TENT2: variants seen among roughly 807,000 people sequenced by gnomAD.
TENT2 encodes the protein terminal nucleotidyltransferase 2.
A neutral mutation model predicts 72.2 loss-of-function variants in TENT2; 44 were observed. The observed-to-expected ratio is 0.61, with a 90% CI of 0.48 to 0.78. TENT2 has a LOEUF of 0.78. TENT2 is among the 30% of genes least tolerant of loss of function. The pLI is 0.00. For missense variants in TENT2, 541 were observed against 569.6 expected, an observed-to-expected ratio of 0.95 and a Z score of 0.51; for synonymous variants, 212 against 192.5, an observed-to-expected ratio of 1.10 and a Z score of -0.84.
At chr5:79,649,287 A>T in intron 10 of TENT2, 97 bp downstream of exon 10, 1 of 1,189,152 alleles carries the variant, frequency 8.4e-7, no homozygotes, top group Non-Finnish European at 1.2e-6. Context: ...GTATTGTTTT[A>T]AAAGTTCTTT....
intron 12 of TENT2, among the ~76,000 whole-genome samples, chr5:79,674,005 C>T (rs116445958): frequency 6.6e-6 from 1 of 152,268 alleles, no homozygotes; most frequent in African/African-American, 2.4e-5. Flanking sequence ...TGTTAAATGA[C>T]ACAATAAACA....
chr5:79,650,995 G>C (rs1018015450), intron 10 of TENT2, among the ~76,000 whole-genome samples: 1 of 151,952 alleles, frequency 6.6e-6, no homozygotes, highest in African/African-American at 2.4e-5. Context: ...TACTTAAAAC[G>C]TAGTGATATT....
chr5:79,656,237 G>A (rs1005570905), intron 10 of TENT2, among the ~76,000 whole-genome samples: 2 of 111,676 alleles, frequency 1.8e-5, no homozygotes, highest in African/African-American at 5.8e-5. Context: ...TAAAATTACT[G>A]TTAATTAATG....
intron 1 of TENT2, among the ~76,000 whole-genome samples, chr5:79,614,617 G>C (rs540824206): frequency 6.6e-6 from 1 of 152,278 alleles, no homozygotes; most frequent in South Asian, 2.1e-4. Context: ...CATAAAATTT[G>C]TCACATAGGA....
At chr5:79,637,573 C>T (rs989587565) in intron 4 of TENT2, among the ~76,000 whole-genome samples, 19 of 152,044 alleles carry the variant, frequency 1.2e-4, no homozygotes, top group Non-Finnish European at 1.8e-4. Context: ...ACGACAGGCA[C>T]GCATCACCAT....
chr5:79,620,058 G>A lies in TENT2; in HGVS notation c.202G>A (p.Ala68Thr). Reference protein sequence around the residue: ...YGNVSPIQTSASPLFRGRKRL... With the variant: ...YGNVSPIQTSTSPLFRGRKRL... Reference sequence around the variant, plus strand: ...AAATGTCAGTCCAATACAGACCTCAGCTTCCCCATTATTTCGAGGAAGGAA... The same window carrying A: ...AAATGTCAGTCCAATACAGACCTCAACTTCCCCATTATTTCGAGGAAGGAA... Residue 68 changes from alanine to threonine, a missense_variant, in exon 3 of 15, where the codon GCT (alanine) becomes ACT (threonine). By Grantham distance (58) the Ala-to-Thr change is moderately conservative. Transcript: ENST00000453514. 1 of 1,609,904 alleles carries A rather than the reference G, an allele frequency of 6.2e-7. No homozygotes were observed. Among genetic ancestry groups the A allele is most frequent in the Non-Finnish European group, 8.5e-7 (1 of 1,177,174 alleles).
intron 4 of TENT2, among the ~76,000 whole-genome samples, chr5:79,630,683 A>C (rs1340003761): frequency 6.6e-6 from 1 of 152,152 alleles, no homozygotes; most frequent in Non-Finnish European, 1.5e-5. Flanking sequence ...AAAGGAGGTC[A>C]AGATGGCTAG....
intron 4 of TENT2, among the ~76,000 whole-genome samples, chr5:79,629,688 G>A (rs151115640): frequency 0.062 from 9,432 of 151,958 alleles, 492 homozygotes; most frequent in Admixed American, 0.16. Context: ...TTAGCCAGGC[G>A]TGGTGGCGGG....
At chr5:79,630,576 C>G (rs1012195227) in intron 4 of TENT2, among the ~76,000 whole-genome samples, 3 of 151,888 alleles carry the variant, frequency 2.0e-5, no homozygotes, top group African/African-American at 4.8e-5. Context: ...GACTCTGTCT[C>G]AAAAAGTAGT....
intron 13 of TENT2, 51 bp from the exon 14 acceptor site, chr5:79,681,931 G>C (rs1350700815): frequency 6.8e-7 from 1 of 1,469,276 alleles, no homozygotes; most frequent in Non-Finnish European, 9.4e-7. Context: ...AAAAGAAACT[G>C]TAGCTCTCAT....
chr5:79,652,740 T>G (rs1461951789), intron 10 of TENT2, among the ~76,000 whole-genome samples: 3 of 152,214 alleles, frequency 2.0e-5, no homozygotes, highest in East Asian at 1.9e-4. Context: ...TAAAAAAATT[T>G]GAAACATATG....
Position 79,620,053 on chromosome 5 carries a change from C to A in TENT2, c.197C>A (p.Thr66Asn), listed in dbSNP as rs753842190. Residue 66 changes from threonine to asparagine, a missense_variant, in exon 3 of 15, where the codon ACC becomes AAC. By Grantham distance (65) the Thr-to-Asn change is moderately conservative. Transcript: ENST00000453514. ...TATGGAAATGTCAGTCCAATACAGA[C>A]CTCAGCTTCCCCATTATTTCGAGGA... ...LTYGNVSPIQTSASPLFRGRK... is the reference protein window; with the variant it reads ...LTYGNVSPIQNSASPLFRGRK... 2 of 1,610,144 alleles carry A rather than the reference C, an allele frequency of 1.2e-6. No homozygotes were observed. The highest frequency in any genetic ancestry group is 1.7e-6 in the Non-Finnish European group (2 of 1,177,252).
In TENT2 at chr5:79,619,984, A is replaced by AT. The variant is rs766600579; in HGVS notation, c.138-6dup. The stretch of plus-strand genomic sequence containing the variant: ...GTATAAATTACTGTTCTTTTCTTTG[A>AT]TTTTGTTAGCTTGTCTAGAGCTGTG... On this transcript the variant is annotated splice_polypyrimidine_tract_variant and intron_variant, in intron 2 of 14. Transcript: ENST00000453514. 1 of 1,580,596 alleles carries AT rather than the reference A, an allele frequency of 6.3e-7. No homozygotes were observed. The highest frequency in any genetic ancestry group is 8.6e-7 in the Non-Finnish European group (1 of 1,163,578).
intron 11 of TENT2, among the ~76,000 whole-genome samples, chr5:79,660,143 T>A (rs959189880): frequency 4.6e-5 from 7 of 152,134 alleles, no homozygotes; most frequent in African/African-American, 1.7e-4. Context: ...TAAATATTTT[T>A]AAAATTGGTA....
At chr5:79,625,063 T>G (rs911925220) in intron 4 of TENT2, among the ~76,000 whole-genome samples, 7 of 152,194 alleles carry the variant, frequency 4.6e-5, no homozygotes, top group Non-Finnish European at 1.0e-4. Flanking sequence ...CAAAACTTGT[T>G]ATTGTCTGCC....
At chr5:79,626,244 T>C (rs1390340912) in intron 4 of TENT2, among the ~76,000 whole-genome samples, 1 of 152,108 alleles carries the variant, frequency 6.6e-6, no homozygotes, top group Non-Finnish European at 1.5e-5. Context: ...CAAGTGATTC[T>C]GCTGTCTCAG....
At chr5:79,621,764 A>C (rs1191576623) in intron 3 of TENT2, among the ~76,000 whole-genome samples, 17 of 136,294 alleles carry the variant, frequency 1.2e-4, no homozygotes, top group Non-Finnish European at 2.3e-4. Flanking sequence ...TCTCAAAAAA[A>C]AAAAAAAACA....
intron 11 of TENT2, among the ~76,000 whole-genome samples, chr5:79,659,585 T>TATATATAA (rs1554086894): frequency 3.4e-5 from 4 of 118,398 alleles, no homozygotes; most frequent in African/African-American, 9.8e-5. Flanking sequence ...TATATATATA[T>TATATATAA]ATATATATAA....
At position 79,668,921 on chromosome 5, in the gene TENT2, C is replaced by T; in HGVS notation, c.1101C>T (p.His367=). The part of the protein sequence containing the change: ...PESFSPAIQL[H]LVHQAPCNVP... ...CTTTTAGTCCTGCTATACAGCTGCA[C>T]CTTGTACATCAAGCTCCATGTAATG... The change falls in exon 12 of 15, where the codon CAC becomes CAT. Residue 367 remains histidine, a synonymous_variant. Coordinates refer to ENST00000453514, the MANE Select transcript of TENT2 (RefSeq NM_001114394.3). The T allele has an allele frequency of 1.2e-6, 2 of 1,613,660 alleles. No homozygotes were observed. Among genetic ancestry groups the T allele is most frequent in the Non-Finnish European group, 1.7e-6 (2 of 1,179,754 alleles).
Sources: gnomAD v4.1 joint callset for allele counts (sites outside exome capture counted in the v4.1 genomes callset) on GRCh38, gnomAD v4.1.1 for gene constraint, MANE v1.5 for transcripts, NCBI Gene and HGNC (gene_info 2026-07-23, HGNC 2026-07-21) for gene names.